Variants in CREM observed in about 807,000 individuals in gnomAD.
The protein encoded by CREM is cAMP-responsive element modulator.
In CREM, 13 loss-of-function variants were observed where a neutral mutation model predicts 37.3. The ratio of observed to expected loss-of-function variants is 0.35; its 90% CI spans 0.23 to 0.55. CREM has a LOEUF of 0.55. Ranked by LOEUF, CREM falls within the 20% of genes least tolerant of loss-of-function variation. The probability of loss-of-function intolerance (pLI) is 0.88; values close to 1 mark genes in which losing one functional copy is unlikely to be tolerated. For synonymous variants in CREM, 124 were observed against 120.2 expected (o/e 1.03, Z -0.21); for missense variants, 296 against 362.3 (o/e 0.82, Z 1.49).
intron 3 of CREM, among the ~76,000 whole-genome samples, chr10:35,174,418 C>T (rs557712657): frequency 3.2e-4 from 49 of 152,142 alleles, no homozygotes; most frequent in Non-Finnish European, 6.0e-4. Context: ...TTCTCTTACA[C>T]GGATAAAACA....
intron 6 of CREM, among the ~76,000 whole-genome samples, chr10:35,198,039 T>G (rs1048977073): frequency 6.6e-6 from 1 of 152,212 alleles, no homozygotes; most frequent in Non-Finnish European, 1.5e-5. Flanking sequence ...GATGTACCCA[T>G]AATTCCTTTT....
intron 7 of CREM, chr10:35,209,217 C>A: frequency 1.4e-6 from 1 of 704,088 alleles, no homozygotes; most frequent in Non-Finnish European, 1.7e-6. Context: ...AGATCTCTTA[C>A]ATATTTTCTT....
rs977404546 is a variant in CREM, at chr10:35,178,795, C to G, written c.169-94C>G. On this transcript the variant is annotated intron_variant, in intron 3 of 7. Coordinates refer to ENST00000685392, the MANE Select transcript of CREM (RefSeq NM_183011.2). The stretch of plus-strand genomic sequence containing the variant: ...TCAGTTGCTTCCACAGCTCCTGGCT[C>G]AGTGCTGCACACACAGACTCTTAGC... 11 of 878,292 alleles carry G rather than the reference C, an allele frequency of 1.3e-5. No homozygotes were observed. In the Admixed American group the frequency reaches 3.1e-4, roughly 25 times the overall value. 54.4% of individuals were successfully genotyped at this position (878,292 alleles called of 1,614,324 possible). A position where few individuals can be genotyped will look rare whatever the true frequency, so the allele number is the denominator to read the frequency against.
chr10:35,211,031 C>T (rs2134891356), intron 7 of CREM, among the ~76,000 whole-genome samples: 1 of 152,280 alleles, frequency 6.6e-6, no homozygotes, highest in Admixed American at 6.5e-5. Context: ...TAAGAAAACA[C>T]CATTTGTGAT....
chr10:35,205,298 G>A (rs1280968414), intron 6 of CREM, among the ~76,000 whole-genome samples: 1 of 152,164 alleles, frequency 6.6e-6, no homozygotes, highest in Admixed American at 6.5e-5. Context: ...TTAACTGTAT[G>A]ATTATACTAT....
intron 3 of CREM, among the ~76,000 whole-genome samples, chr10:35,160,827 C>T (rs1386966602): frequency 6.6e-6 from 1 of 152,078 alleles, no homozygotes; most frequent in East Asian, 1.9e-4. Context: ...TTGTTAAAAA[C>T]TGAGACACAA....
intron 1 of CREM, among the ~76,000 whole-genome samples, chr10:35,128,773 C>T (rs536589574): frequency 2.0e-5 from 3 of 152,156 alleles, no homozygotes; most frequent in East Asian, 3.9e-4. Flanking sequence ...GATCCGCCCG[C>T]GTCGGCCTCC....
chr10:35,186,674 A>G (rs1300729116), intron 5 of CREM, among the ~76,000 whole-genome samples: 2 of 140,776 alleles, frequency 1.4e-5, no homozygotes, highest in Non-Finnish European at 1.5e-5. Flanking sequence ...ATATATAATT[A>G]TAATAAATAT....
At chr10:35,188,136 C>G in intron 5 of CREM, 64 bp from the exon 6 acceptor site, 1 of 1,453,730 alleles carries the variant, frequency 6.9e-7, no homozygotes, top group Middle Eastern at 1.9e-4. Context: ...TATATTCTTC[C>G]AATAGGGGAT....
intron 1 of CREM, among the ~76,000 whole-genome samples, chr10:35,131,584 C>A (rs1189753000): frequency 6.6e-6 from 1 of 152,030 alleles, no homozygotes; most frequent in Non-Finnish European, 1.5e-5. Context: ...AATATGGGTG[C>A]TTGGAATGTT....
At chr10:35,178,757 T>C (rs2094213137) in intron 3 of CREM, 132 bp from the exon 4 acceptor site, 2 of 616,566 alleles carry the variant, frequency 3.2e-6, no homozygotes, top group Non-Finnish European at 5.6e-6. Flanking sequence ...GCAGATTCAC[T>C]GTGTTCTATT....
At chr10:35,210,873 C>G (rs961394713) in intron 7 of CREM, 1 of 159,384 alleles carries the variant, frequency 6.3e-6, no homozygotes, top group African/African-American at 2.4e-5. Flanking sequence ...CTCATTATGT[C>G]GGAGTATGTG....
intron 3 of CREM, among the ~76,000 whole-genome samples, chr10:35,160,939 C>G (rs2093254679): frequency 6.6e-6 from 1 of 152,184 alleles, no homozygotes; most frequent in Non-Finnish European, 1.5e-5. Flanking sequence ...GGAAAGAACA[C>G]TCATGGAGCT....
At chr10:35,146,186 A>G (rs1053163909) in intron 2 of CREM, among the ~76,000 whole-genome samples, 1 of 152,252 alleles carries the variant, frequency 6.6e-6, no homozygotes, top group Admixed American at 6.5e-5. Flanking sequence ...TTGAGACCCA[A>G]GTTGTTGCAG....
In CREM at chr10:35,167,897, G is replaced by A; in HGVS notation, c.169-10992G>A. ...AAATATAAAATAACATCCATTTTAT[G>A]TTTTAGTTTTTTGTTCTTGCGATAG... On this transcript the variant is annotated intron_variant, in intron 3 of 7. Coordinates refer to ENST00000685392, the MANE Select transcript of CREM (RefSeq NM_183011.2). The A allele has an allele frequency of 1.1e-5, 13 of 1,181,248 alleles. No individual in the cohort carries two copies. In the South Asian group the frequency reaches 1.7e-4, roughly 16 times the overall value. The allele number at this position is 1,181,248 out of a possible 1,614,324, so 73.2% of individuals were successfully genotyped here. A position where few individuals can be genotyped will look rare whatever the true frequency, so the allele number is the denominator to read the frequency against.
chr10:35,201,403 A>G lies in CREM; in HGVS notation c.599-5492A>G, dbSNP rs1230871041. On this transcript the variant is annotated intron_variant, in intron 6 of 7. Transcript: ENST00000685392. ...TGCTAGACACTTTGACATACATTGT[A>G]GGGTTTATTGTGAGTATTAAATGAG... is the stretch of plus-strand genomic sequence containing the variant. 5 of 1,548,870 alleles carry G rather than the reference A, an allele frequency of 3.2e-6. No individual in the cohort carries two copies. In the South Asian group the frequency reaches 3.6e-5, roughly 11 times the overall value.
At chr10:35,133,599 AAAAGCAGTTTGTTTT>A (rs1407951924) in intron 1 of CREM, among the ~76,000 whole-genome samples, 1 of 152,210 alleles carries the variant, frequency 6.6e-6, no homozygotes, top group African/African-American at 2.4e-5. Context: ...GCGCCTGTCC[AAAAGCAGTTTGTTTT>A]AAAGCAGAAA....
chr10:35,185,065 T>TCATC (rs1012974479), intron 5 of CREM, among the ~76,000 whole-genome samples: 6 of 151,734 alleles, frequency 4.0e-5, no homozygotes, highest in Non-Finnish European at 5.9e-5. Flanking sequence ...ATTCATTCAT[T>TCATC]CTATTTTTTG....
chr10:35,183,427 T>G lies in CREM; in HGVS notation c.409+4151T>G, dbSNP rs544464241. Among the ~76,000 whole-genome samples the G allele has an allele frequency of 6.6e-5, 10 of 152,296 alleles. No homozygotes were observed. The South Asian group carries it at 2.1e-3, about 32-fold the overall frequency. The stretch of plus-strand genomic sequence containing the variant: ...TTCTTAATAGTGACGTTGTTTACAT[T>G]TCTCTAAGGCAACTGTTTCAAAATT... On this transcript the variant is annotated intron_variant, in intron 5 of 7. Coordinates refer to ENST00000685392, the MANE Select transcript of CREM (RefSeq NM_183011.2).
Sources: gnomAD v4.1 joint callset for allele counts (sites outside exome capture counted in the v4.1 genomes callset) on GRCh38, gnomAD v4.1.1 for gene constraint, MANE v1.5 for transcripts, NCBI Gene and HGNC (gene_info 2026-07-23, HGNC 2026-07-21) for gene names.